The following EBF2 variants were observed in gnomAD, a reference collection of about 807,000 sequenced individuals.
The protein encoded by EBF2 is transcription factor COE2.
Under a neutral mutation model 72.8 loss-of-function variants are expected in EBF2, and 21 were observed. The ratio of observed to expected loss-of-function variants is 0.29; its 90% CI spans 0.20 to 0.42. The LOEUF is 0.42. Among genes scored for constraint, EBF2 ranks in the 10% least tolerant of loss-of-function variants. The pLI, the probability that EBF2 is intolerant of heterozygous loss-of-function variation, is 1.00. For missense variants in EBF2, 637 were observed against 731.2 expected, an observed-to-expected ratio of 0.87 and a Z score of 1.49; for synonymous variants, 299 against 274.2, an observed-to-expected ratio of 1.09 and a Z score of -0.89.
At chr8:25,992,344 A>T (rs1804558467) in intron 6 of EBF2, among the ~76,000 whole-genome samples, 1 of 150,438 alleles carries the variant, frequency 6.6e-6, no homozygotes, top group African/African-American at 2.4e-5. Context: ...AAAAAAAAAA[A>T]AAAAAAAAAA....
chr8:25,928,068 C>T (rs1803414845), intron 6 of EBF2, among the ~76,000 whole-genome samples: 1 of 152,104 alleles, frequency 6.6e-6, no homozygotes, highest in African/African-American at 2.4e-5. Context: ...GTAGCCAAAA[C>T]TTTGCGAATC....
intron 10 of EBF2, among the ~76,000 whole-genome samples, chr8:25,878,454 C>A (rs1315897237): frequency 6.6e-6 from 1 of 152,196 alleles, no homozygotes. Flanking sequence ...AACAGCCCAT[C>A]AGCAGGTGCC....
intron 1 of EBF2, among the ~76,000 whole-genome samples, chr8:26,042,454 A>G (rs1430839570): frequency 3.3e-5 from 5 of 152,158 alleles, no homozygotes; most frequent in African/African-American, 1.2e-4. Flanking sequence ...GTTGGGTGGC[A>G]GGGTTGATAC....
At chr8:26,038,400 AATG>A (rs749962609) in intron 5 of EBF2, among the ~76,000 whole-genome samples, 4 of 152,208 alleles carry the variant, frequency 2.6e-5, no homozygotes, top group Non-Finnish European at 4.4e-5. Context: ...AACAGCATAA[AATG>A]AGGAGGATTT....
At chr8:25,885,504 C>G (rs1267402391) in intron 10 of EBF2, among the ~76,000 whole-genome samples, 1 of 152,200 alleles carries the variant, frequency 6.6e-6, no homozygotes, top group Non-Finnish European at 1.5e-5. Flanking sequence ...TTTATGCTTT[C>G]TTTCCCTCCC....
At chr8:25,992,333 CAAAAAAAA>C (rs36020598) in intron 6 of EBF2, among the ~76,000 whole-genome samples, 23 of 52,552 alleles carry the variant, frequency 4.4e-4, no homozygotes, top group African/African-American at 2.0e-3. Context: ...GACTCTGTCT[CAAAAAAAA>C]AAAAAAAAAA....
chr8:25,955,548 G>A (rs78321264), intron 6 of EBF2, among the ~76,000 whole-genome samples: 1 of 151,952 alleles, frequency 6.6e-6, no homozygotes, highest in African/African-American at 2.4e-5. Context: ...AAATGAAAAC[G>A]GATTTTTCTA....
At chr8:25,887,145 C>G (rs1031854153) in intron 9 of EBF2, among the ~76,000 whole-genome samples, 1 of 152,042 alleles carries the variant, frequency 6.6e-6, no homozygotes, top group Non-Finnish European at 1.5e-5. Context: ...CTGTCTGTCT[C>G]TCTCTCTCTG....
intron 7 of EBF2, among the ~76,000 whole-genome samples, chr8:25,898,474 A>C (rs1248729743): frequency 6.6e-6 from 1 of 150,952 alleles, no homozygotes; most frequent in Non-Finnish European, 1.5e-5. Flanking sequence ...CCAGCTTTTC[A>C]TGTCATTGAG....
intron 6 of EBF2, among the ~76,000 whole-genome samples, chr8:25,928,781 T>TAAAAAAAAAAA (rs1390940647): frequency 9.9e-5 from 1 of 10,062 alleles, no homozygotes; most frequent in African/African-American, 3.2e-4. Context: ...GATTTTTAAA[T>TAAAAAAAAAAA]GAAAAAAAAA....
At chr8:26,014,525 G>A (rs1013470739) in intron 6 of EBF2, among the ~76,000 whole-genome samples, 1 of 152,184 alleles carries the variant, frequency 6.6e-6, no homozygotes, top group Non-Finnish European at 1.5e-5. Context: ...CTATTAGGAA[G>A]AAAGCATTTA....
chr8:25,898,689 C>A lies in EBF2; in HGVS notation c.634-8820G>T, dbSNP rs148495356. Reference sequence around the variant, plus strand: ...TTTGAGAGCCACAGGGGAGCCATAACATATTTGATGCAGTTCTTTGTTTGG... The same window carrying A: ...TTTGAGAGCCACAGGGGAGCCATAAAATATTTGATGCAGTTCTTTGTTTGG... On this transcript the variant is annotated intron_variant, in intron 7 of 15. Transcript: ENST00000520164. 5.3e-3 allele frequency among the ~76,000 whole-genome samples: 814 copies of A among 152,264 alleles called. 11 individuals are homozygous for A. The highest frequency in any genetic ancestry group is 0.018 in the African/African-American group (752 of 41,550).
chr8:25,911,118 G>T (rs141887425), intron 6 of EBF2, among the ~76,000 whole-genome samples: 1 of 151,866 alleles, frequency 6.6e-6, no homozygotes, highest in Admixed American at 6.6e-5. Flanking sequence ...ATTTAGCCAC[G>T]GGGTAACTTA....
intron 6 of EBF2, among the ~76,000 whole-genome samples, chr8:26,000,368 T>C (rs1804704309): frequency 6.6e-6 from 1 of 152,272 alleles, no homozygotes; most frequent in South Asian, 2.1e-4. Flanking sequence ...GTGGTAAGTC[T>C]TGGGGAAGAT....
At chr8:26,000,739 T>C (rs1804709025) in intron 6 of EBF2, among the ~76,000 whole-genome samples, 1 of 152,096 alleles carries the variant, frequency 6.6e-6, no homozygotes, top group African/African-American at 2.4e-5. Flanking sequence ...AACTGAAATA[T>C]CAACAAAAGG....
At chr8:25,937,614 T>C (rs775596798) in intron 6 of EBF2, among the ~76,000 whole-genome samples, 2 of 152,180 alleles carry the variant, frequency 1.3e-5, no homozygotes, top group African/African-American at 4.8e-5. Context: ...TTGACTACAC[T>C]GGTAAGCAAA....
At chr8:25,938,366 T>C (rs899515578) in intron 6 of EBF2, among the ~76,000 whole-genome samples, 2 of 151,558 alleles carry the variant, frequency 1.3e-5, no homozygotes, top group Admixed American at 6.6e-5. Flanking sequence ...ATTTTTCCTC[T>C]CTTACTTTGA....
rs1802438320 is a variant in EBF2, at chr8:25,871,421, A to C, written c.1010-8624T>G. On this transcript the variant is annotated intron_variant, in intron 10 of 15. Coordinates refer to ENST00000520164, the MANE Select transcript of EBF2 (RefSeq NM_022659.4). ...GTGCTGGCAAGGCAAAAACAGAGTA[A>C]ATTAAAAATATGCTTCAATCTATAG... Among the ~76,000 whole-genome samples, 3 of 152,218 alleles carry C rather than the reference A, an allele frequency of 2.0e-5. No individual in the cohort carries two copies. The South Asian group carries it at 6.2e-4, about 32-fold the overall frequency.
chr8:25,908,725 G>A (rs1032257689), intron 6 of EBF2, among the ~76,000 whole-genome samples, 170 bp from the exon 7 acceptor site: 4 of 152,170 alleles, frequency 2.6e-5, no homozygotes, highest in African/African-American at 9.7e-5. Context: ...TTGCAAATTT[G>A]GATGTTTTCA....
Sources: gnomAD v4.1 joint callset for allele counts (sites outside exome capture counted in the v4.1 genomes callset) on GRCh38, gnomAD v4.1.1 for gene constraint, MANE v1.5 for transcripts, NCBI Gene and HGNC (gene_info 2026-07-23, HGNC 2026-07-21) for gene names.